Variants in SCYL2 observed in about 807,000 individuals in gnomAD.
SCYL2 encodes the protein SCY1-like protein 2.
SCYL2 carries 36 observed loss-of-function variants against 100.4 expected under a neutral mutation model. That is an observed-to-expected ratio of 0.36 (90% CI 0.27 to 0.47). SCYL2 has a LOEUF of 0.47. Among genes scored for constraint, SCYL2 ranks in the 20% least tolerant of loss-of-function variants. SCYL2 has a pLI of 1.00. For synonymous variants in SCYL2, 330 were observed against 359.2 expected (o/e 0.92, Z 0.92); for missense variants, 902 against 1,083.9 (o/e 0.83, Z 2.36).
chr12:100,280,108 A>G (rs1352488860), intron 1 of SCYL2, among the ~76,000 whole-genome samples: 1 of 152,186 alleles, frequency 6.6e-6, no homozygotes, highest in Admixed American at 6.5e-5. Context: ...CTGGGGTCAA[A>G]GGCTCTTGCT....
chr12:100,303,732 G>A (rs901702689), intron 4 of SCYL2, among the ~76,000 whole-genome samples: 3 of 152,204 alleles, frequency 2.0e-5, no homozygotes, highest in African/African-American at 7.2e-5. Flanking sequence ...AGGAGGCACT[G>A]GGGTCAGGGA....
chr12:100,305,668 T>C (rs1347848651), intron 4 of SCYL2, among the ~76,000 whole-genome samples: 4 of 139,120 alleles, frequency 2.9e-5, no homozygotes, highest in African/African-American at 5.3e-5. Context: ...CCAAAGGAGA[T>C]AGAGACATGA....
At chr12:100,314,353 T>G (rs1194367264) in intron 7 of SCYL2, 136 bp from the exon 8 acceptor site, 1 of 594,214 alleles carries the variant, frequency 1.7e-6, no homozygotes, top group African/African-American at 2.0e-5. Context: ...GTTTTATAAT[T>G]AGAATTTCTA....
At chr12:100,308,672 C>T (rs1435872705) in intron 4 of SCYL2, among the ~76,000 whole-genome samples, 1 of 152,098 alleles carries the variant, frequency 6.6e-6, no homozygotes, top group Non-Finnish European at 1.5e-5. Flanking sequence ...AAAGAAATTG[C>T]AGTCCTTGTG....
Position 100,314,472 on chromosome 12 carries a change from A to G in SCYL2, c.970-17A>G. The G allele has an allele frequency of 6.4e-7, 1 of 1,555,850 alleles. No individual in the cohort carries two copies. Among genetic ancestry groups the G allele is most frequent in the African/African-American group, 1.4e-5 (1 of 73,308 alleles). On this transcript the variant is annotated splice_polypyrimidine_tract_variant and intron_variant, in intron 7 of 17. Transcript: ENST00000360820. ...AATTTAACATTTATCAAAATACTTTATTTCCATTTTTTTTAGATTCCCTTC... is the reference window on the plus strand; with the variant it reads ...AATTTAACATTTATCAAAATACTTTGTTTCCATTTTTTTTAGATTCCCTTC...
intron 4 of SCYL2, among the ~76,000 whole-genome samples, chr12:100,305,516 G>A (rs1003872075): frequency 1.3e-5 from 2 of 152,248 alleles, no homozygotes; most frequent in East Asian, 3.9e-4. Context: ...TATGTAGAGG[G>A]AAATTTATAG....
intron 2 of SCYL2, among the ~76,000 whole-genome samples, chr12:100,288,232 A>G (rs1274657169): frequency 1.3e-5 from 2 of 152,168 alleles, no homozygotes; most frequent in African/African-American, 4.8e-5. Context: ...ATAGTTGATA[A>G]CCTCTTCTGA....
intron 16 of SCYL2, among the ~76,000 whole-genome samples, chr12:100,337,125 G>GA (rs961572044): frequency 2.0e-5 from 3 of 151,962 alleles, no homozygotes; most frequent in African/African-American, 7.3e-5. Flanking sequence ...TCATTGTCTG[G>GA]AAAAAAGTGA....
Position 100,291,614 on chromosome 12 carries a change from C to T in SCYL2, c.289C>T (p.Arg97Ter), listed in dbSNP as rs371072512. 1.3e-6 allele frequency: 2 copies of T among 1,599,116 alleles called. No individual in the cohort carries two copies. The highest frequency in any genetic ancestry group is 1.7e-5 in the Admixed American group (1 of 57,150). The change falls in exon 3 of 18, where the codon CGA (arginine) becomes TGA (stop). Residue 97 changes from arginine (R) to a stop codon, truncating the protein, a stop_gained. Transcript: ENST00000360820. LOFTEE classifies it high-confidence loss of function. ...AGGAGTCCAACAGTTAACTCGGCTT[C>T]GACACCCTCGACTTCTTACTGTCCA... The part of the protein sequence containing the change: ...KRGVQQLTRL[R>*]HPRLLTVQHP...
At chr12:100,275,173 T>C (rs1259034452) in intron 1 of SCYL2, among the ~76,000 whole-genome samples, 1 of 152,192 alleles carries the variant, frequency 6.6e-6, no homozygotes, top group Non-Finnish European at 1.5e-5. Flanking sequence ...TTAAATTTTC[T>C]AGTAGAAATA....
intron 11 of SCYL2, 25 bp downstream of exon 11, chr12:100,323,663 G>A: frequency 7.6e-7 from 1 of 1,314,350 alleles, no homozygotes; most frequent in South Asian, 1.3e-5. Context: ...ATTAATTTTT[G>A]TTTTTCTTTT....
intron 3 of SCYL2, among the ~76,000 whole-genome samples, chr12:100,292,428 G>C (rs2096311669): frequency 6.6e-6 from 1 of 152,146 alleles, no homozygotes; most frequent in Admixed American, 6.5e-5. Context: ...GGAGGACACA[G>C]AACTGGCAGG....
At chr12:100,328,269 C>T (rs1474215515) in intron 12 of SCYL2, among the ~76,000 whole-genome samples, 2 of 145,508 alleles carry the variant, frequency 1.4e-5, no homozygotes, top group Non-Finnish European at 3.0e-5. Context: ...CAGGGCAAGA[C>T]CCTGTCTTAA....
intron 3 of SCYL2, among the ~76,000 whole-genome samples, chr12:100,295,791 G>C (rs889456782): frequency 3.3e-5 from 5 of 151,502 alleles, no homozygotes; most frequent in Non-Finnish European, 5.9e-5. Flanking sequence ...GAGGGAGAGG[G>C]AGAGGGAGAG....
In SCYL2 at chr12:100,293,739, C is replaced by T. The variant is rs1457471673; in HGVS notation, c.335+2079C>T. 2.0e-5 allele frequency among the ~76,000 whole-genome samples: 3 copies of T among 152,198 alleles called. No individual in the cohort carries two copies. In the East Asian group the frequency reaches 5.8e-4, roughly 30 times the overall value. On this transcript the variant is annotated intron_variant, in intron 3 of 17. Coordinates refer to ENST00000360820, the MANE Select transcript of SCYL2 (RefSeq NM_017988.6). ...GGGAGTGGTGACGACTCTTAACGAG[C>T]ATGCTGCCTTCAAGCATCTGTTTAA... is the stretch of plus-strand genomic sequence containing the variant.
chr12:100,326,325 A>G (rs1473751334), intron 11 of SCYL2, among the ~76,000 whole-genome samples: 1 of 152,162 alleles, frequency 6.6e-6, no homozygotes, highest in Non-Finnish European at 1.5e-5. Flanking sequence ...ATAGTAACAC[A>G]TAATGTAGTA....
intron 10 of SCYL2, among the ~76,000 whole-genome samples, chr12:100,318,797 C>T (rs2096352373): frequency 1.3e-5 from 2 of 152,260 alleles, no homozygotes; most frequent in South Asian, 4.1e-4. Context: ...TTTAGTGTGA[C>T]CATTCTTAAT....
chr12:100,269,069 T>C (rs1021637376), intron 1 of SCYL2, among the ~76,000 whole-genome samples: 1 of 152,210 alleles, frequency 6.6e-6, no homozygotes, highest in Non-Finnish European at 1.5e-5. Flanking sequence ...CAAGACTTAG[T>C]GACTTTTTCA....
chr12:100,324,248 G>A (rs932042824), intron 11 of SCYL2, among the ~76,000 whole-genome samples: 1 of 152,122 alleles, frequency 6.6e-6, no homozygotes, highest in African/African-American at 2.4e-5. Context: ...CATATTGAAA[G>A]CAATAAATGT....
Sources: gnomAD v4.1 joint callset for allele counts (sites outside exome capture counted in the v4.1 genomes callset) on GRCh38, gnomAD v4.1.1 for gene constraint, MANE v1.5 for transcripts, NCBI Gene and HGNC (gene_info 2026-07-23, HGNC 2026-07-21) for gene names.